The following FHIT variants were observed in gnomAD, a reference collection of about 807,000 sequenced individuals.
FHIT encodes bis(5'-adenosyl)-triphosphatase.
FHIT carries 19 observed loss-of-function variants against 17.9 expected under a neutral mutation model. The ratio of observed to expected loss-of-function variants is 1.06; its 90% CI spans 0.74 to 1.56. The LOEUF (loss-of-function observed/expected upper bound fraction) is 1.56. Among genes scored for constraint, FHIT ranks in the 40% most tolerant of loss-of-function variants. The pLI, the probability that FHIT is intolerant of heterozygous loss-of-function variation, is 0.00. For synonymous variants in FHIT, 81 were observed against 69.7 expected (o/e 1.16, Z -0.81); for missense variants, 248 against 189.2 (o/e 1.31, Z -1.82).
chr3:60,859,454 C>A (rs2734345), intron 3 of FHIT, among the ~76,000 whole-genome samples: 2 of 151,992 alleles, frequency 1.3e-5, no homozygotes, highest in African/African-American at 4.8e-5. Flanking sequence ...ACAGGTAGAC[C>A]GCATTTCCAA....
At chr3:61,063,794 AT>A (rs35093806) in intron 2 of FHIT, among the ~76,000 whole-genome samples, 2 of 151,856 alleles carry the variant, frequency 1.3e-5, no homozygotes, top group Non-Finnish European at 2.9e-5. Context: ...AAATCTATGA[AT>A]TTTTTTAACA....
chr3:60,155,407 T>G (rs1157399631), intron 5 of FHIT, among the ~76,000 whole-genome samples: 4 of 152,026 alleles, frequency 2.6e-5, no homozygotes, highest in African/African-American at 7.2e-5. Context: ...TCTCCCCAAC[T>G]ACCCCACGCA....
intron 5 of FHIT, among the ~76,000 whole-genome samples, chr3:60,076,877 G>C (rs1034145196): frequency 1.5e-4 from 3 of 20,232 alleles, no homozygotes; most frequent in Non-Finnish European, 4.0e-4. Context: ...AGTGAGACAC[G>C]ACTGACTGAA....
intron 7 of FHIT, among the ~76,000 whole-genome samples, chr3:59,971,888 T>C (rs1050284714): frequency 6.6e-6 from 1 of 152,122 alleles, no homozygotes. Context: ...GGCAACAAAA[T>C]ATAATCAGAA....
chr3:60,095,843 T>C (rs961379944), intron 5 of FHIT, among the ~76,000 whole-genome samples: 6 of 152,092 alleles, frequency 3.9e-5, no homozygotes, highest in Admixed American at 3.3e-4. Context: ...CCAGCAAAAG[T>C]TTATTGACTT....
In FHIT at chr3:61,026,301, C is replaced by T. The variant is rs2032727828; in HGVS notation, c.-111+15746G>A. Among the ~76,000 whole-genome samples the T allele has an allele frequency of 2.6e-5, 4 of 152,118 alleles. No individual in the cohort carries two copies. In the South Asian group the frequency reaches 8.3e-4, roughly 32 times the overall value. ...GCAGAAGCCAAGAGTGTTTGGGGGG[C>T]CTAGGTCTGAGGCCAGCTCCACCTC... On this transcript the variant is annotated intron_variant, in intron 3 of 9. Transcript: ENST00000492590.
At chr3:60,396,402 C>A (rs190672944) in intron 5 of FHIT, among the ~76,000 whole-genome samples, 1 of 152,178 alleles carries the variant, frequency 6.6e-6, no homozygotes, top group East Asian at 1.9e-4. Flanking sequence ...GAAAATCTTT[C>A]TTGTGCTTCA....
chr3:61,063,202 G>C (rs1164231241), intron 2 of FHIT, among the ~76,000 whole-genome samples: 6 of 141,424 alleles, frequency 4.2e-5, no homozygotes, highest in Admixed American at 7.5e-5. Context: ...CTTGCAATGA[G>C]CTGAGACCGC....
At chr3:61,222,417 C>T (rs1050235107) in intron 1 of FHIT, among the ~76,000 whole-genome samples, 5 of 152,170 alleles carry the variant, frequency 3.3e-5, no homozygotes, top group South Asian at 4.1e-4. Flanking sequence ...TAGAGAATGG[C>T]GGTCACAAAT....
chr3:61,135,600 TAC>T (rs1304994320), intron 2 of FHIT, among the ~76,000 whole-genome samples: 183 of 144,826 alleles, frequency 1.3e-3, no homozygotes, highest in African/African-American at 4.2e-3. Flanking sequence ...CACACACACA[TAC>T]ACACACACAC....
At chr3:60,313,226 T>C (rs1005714487) in intron 5 of FHIT, among the ~76,000 whole-genome samples, 5 of 152,212 alleles carry the variant, frequency 3.3e-5, no homozygotes, top group African/African-American at 1.2e-4. Context: ...ATACGTGCAT[T>C]AGCACCTTGG....
intron 5 of FHIT, among the ~76,000 whole-genome samples, chr3:60,109,899 T>C (rs570705684): frequency 2.6e-5 from 4 of 152,308 alleles, no homozygotes; most frequent in South Asian, 4.1e-4. Context: ...AAATCACTTT[T>C]CTTTAAATAA....
chr3:60,787,153 A>G (rs1402479146), intron 4 of FHIT, among the ~76,000 whole-genome samples: 1 of 152,188 alleles, frequency 6.6e-6, no homozygotes, highest in African/African-American at 2.4e-5. Context: ...GCTTCCAAGT[A>G]ATGACCCATG....
intron 4 of FHIT, among the ~76,000 whole-genome samples, chr3:60,772,151 G>A (rs1430522522): frequency 9.1e-5 from 9 of 98,932 alleles, no homozygotes; most frequent in African/African-American, 4.8e-4. Flanking sequence ...GCATTCTTCA[G>A]AAGAAAAAAA....
intron 4 of FHIT, among the ~76,000 whole-genome samples, chr3:60,544,933 T>C (rs1181739078): frequency 1.3e-5 from 2 of 152,158 alleles, no homozygotes; most frequent in Non-Finnish European, 2.9e-5. Flanking sequence ...TTAAACATAA[T>C]AGTTTGGTTT....
At chr3:59,752,127 G>A (rs970215345) in intron 9 of FHIT, 94 bp downstream of exon 9, 23 of 829,854 alleles carry the variant, frequency 2.8e-5, no homozygotes, top group Non-Finnish European at 4.3e-5. Context: ...AAGGATGCTG[G>A]TGAAGGTGTT....
intron 8 of FHIT, among the ~76,000 whole-genome samples, chr3:59,757,952 A>C (rs2106765690): frequency 6.6e-6 from 1 of 152,328 alleles, no homozygotes; most frequent in South Asian, 2.1e-4. Context: ...GATGATACAA[A>C]GATAAATAAG....
chr3:60,639,178 T>C (rs1553684741), intron 4 of FHIT, among the ~76,000 whole-genome samples: 1 of 151,228 alleles, frequency 6.6e-6, no homozygotes, highest in African/African-American at 2.4e-5. Flanking sequence ...ATAAACCAAG[T>C]AGAAAGCAGC....
intron 4 of FHIT, among the ~76,000 whole-genome samples, chr3:60,567,990 A>G (rs1205034945): frequency 3.9e-5 from 6 of 152,316 alleles, no homozygotes; most frequent in Admixed American, 1.3e-4. Context: ...AGAAATAGGA[A>G]CACTTTACAG....
Sources: allele counts gnomAD v4.1 joint callset (sites outside exome capture counted in the v4.1 genomes callset), GRCh38; gene constraint gnomAD v4.1.1; transcripts MANE v1.5; gene names NCBI Gene and HGNC (gene_info 2026-07-23, HGNC 2026-07-21).